The following TRAPPC8 variants were observed in gnomAD, a reference collection of about 807,000 sequenced individuals.
TRAPPC8 encodes the protein general sporulation gene 1 homolog.
In TRAPPC8, 54 loss-of-function variants were observed where a neutral mutation model predicts 174.3. The observed-to-expected ratio is 0.31, with a 90% confidence interval of 0.25 to 0.39. The LOEUF is 0.39. TRAPPC8 is among the 10% of genes least tolerant of loss of function. The pLI is 1.00. For missense variants in TRAPPC8, 1,531 were observed against 1,699.1 expected, an observed-to-expected ratio of 0.90 and a Z score of 1.74; for synonymous variants, 630 against 579.9, an observed-to-expected ratio of 1.09 and a Z score of -1.24.
chr18:31,917,500 T>C (rs1484199764), intron 3 of TRAPPC8, 78 bp downstream of exon 3: 14 of 1,222,488 alleles, frequency 1.1e-5, no homozygotes, highest in Non-Finnish European at 1.6e-5. Context: ...TTCAACAATT[T>C]TGCCTTCATT....
At chr18:31,885,962 C>A (rs976676868) in intron 12 of TRAPPC8, among the ~76,000 whole-genome samples, 4 of 151,534 alleles carry the variant, frequency 2.6e-5, no homozygotes, top group Non-Finnish European at 5.9e-5. Context: ...AATTTCTGAA[C>A]GGCGCTTGCA....
intron 19 of TRAPPC8, among the ~76,000 whole-genome samples, chr18:31,864,273 T>C (rs2034480986): frequency 6.6e-6 from 1 of 151,840 alleles, no homozygotes; most frequent in Non-Finnish European, 1.5e-5. Context: ...CTGCTTTTTA[T>C]TCAGATGCTT....
chr18:31,936,902 TAAAAAAAAAAA>T lies in TRAPPC8; in HGVS notation c.158-5390_158-5380del, dbSNP rs376783471. ...GGGTGACAGAGCAAGACTCCGTCTTTAAAAAAAAAAAAAAAAAAAAAAAAAAGGAGCCAGGC... is the reference window on the plus strand; with the variant it reads ...GGGTGACAGAGCAAGACTCCGTCTTTAAAAAAAAAAAAAAAGGAGCCAGGC... On this transcript the variant is annotated intron_variant, in intron 1 of 28. Transcript: ENST00000283351. Among the ~76,000 whole-genome samples the T allele has an allele frequency of 2.3e-3, 211 of 92,516 alleles. 1 individual carries two copies. Among genetic ancestry groups the T allele is most frequent in the African/African-American group, 7.8e-3 (165 of 21,208 alleles). 60.7% of individuals were successfully genotyped at this position (92,516 alleles called of 152,430 possible).
At chr18:31,886,345 GAAAA>G (rs397858057) in intron 12 of TRAPPC8, among the ~76,000 whole-genome samples, 3 of 23,748 alleles carry the variant, frequency 1.3e-4, no homozygotes, top group Admixed American at 3.4e-4. Flanking sequence ...GTTTCTTGAG[GAAAA>G]AAAAAAAAAA....
intron 26 of TRAPPC8, 25 bp from the exon 27 acceptor site, chr18:31,839,482 T>C (rs1024759409): frequency 3.2e-6 from 5 of 1,557,318 alleles, no homozygotes; most frequent in African/African-American, 2.8e-5. Context: ...AAAAAACATA[T>C]GACAATAAAA....
chr18:31,898,689 A>G (rs2036284641), intron 10 of TRAPPC8, among the ~76,000 whole-genome samples: 1 of 152,236 alleles, frequency 6.6e-6, no homozygotes, highest in Non-Finnish European at 1.5e-5. Flanking sequence ...TCCTGATCCA[A>G]TTTTAGTTTT....
intron 16 of TRAPPC8, 131 bp downstream of exon 16, chr18:31,870,241 T>C: frequency 1.3e-6 from 1 of 798,946 alleles, no homozygotes; most frequent in Non-Finnish European, 1.8e-6. Context: ...GTACATATCA[T>C]AATTTTTATA....
At chr18:31,859,800 G>A (rs749473370) in intron 19 of TRAPPC8, among the ~76,000 whole-genome samples, 5 of 152,218 alleles carry the variant, frequency 3.3e-5, no homozygotes, top group East Asian at 1.9e-4. Context: ...GGCAGATCAC[G>A]AGGTCAGGAG....
rs35234467 is a variant in TRAPPC8 at position 31,932,997 on chromosome 18, C to CAAAAAAAAAAAAAA, written c.158-1488_158-1475dup. 6.3e-4 allele frequency among the ~76,000 whole-genome samples: 27 copies of CAAAAAAAAAAAAAA among 42,686 alleles called. 2 individuals carry two copies. Among genetic ancestry groups the CAAAAAAAAAAAAAA allele is most frequent in the African/African-American group, 4.0e-3 (27 of 6,712 alleles). 28.0% of individuals were successfully genotyped at this position (42,686 alleles called of 152,430 possible). ...TGGGCGACAGAGTGAGACTCCGTCT[C>CAAAAAAAAAAAAAA]AAAAAAAAAAAAAAAAAAAAAAAGC... On this transcript the variant is annotated intron_variant, in intron 1 of 28. Transcript: ENST00000283351.
chr18:31,840,897 CCTGGGGCTA>C, intron 26 of TRAPPC8, among the ~76,000 whole-genome samples: 1 of 151,592 alleles, frequency 6.6e-6, no homozygotes. Context: ...CAAGTAACAC[CCTGGGGCTA>C]CTGGTAAAAA....
At chr18:31,942,050 T>C (rs2144343898) in intron 1 of TRAPPC8, among the ~76,000 whole-genome samples, 1 of 152,338 alleles carries the variant, frequency 6.6e-6, no homozygotes, top group East Asian at 1.9e-4. Context: ...ATAATACTTT[T>C]AATTTTCTTG....
chr18:31,933,398 T>C (rs980245716), intron 1 of TRAPPC8, among the ~76,000 whole-genome samples: 1 of 152,098 alleles, frequency 6.6e-6, no homozygotes, highest in Non-Finnish European at 1.5e-5. Context: ...ACTTATCAAC[T>C]GGGTTACCCT....
rs368537454 is a variant in TRAPPC8 at position 31,942,668 on chromosome 18, G to C, written c.97C>G (p.Arg33Gly). The change falls in exon 1 of 29, where the codon CGT (arginine) becomes GGT (glycine). Residue 33 changes from arginine to glycine, a missense_variant. By Grantham distance (125) the Arg-to-Gly change is moderately radical. Transcript: ENST00000283351. ...TCCGCGAAGCTGAGGTGATTGAGAC[G>C]AGTGAGCCGCTCGGCTTCGTCGCTG... ...LCSDEAERLT[R>G]LNHLSFAELL... The C allele has an allele frequency of 4.3e-6, 7 of 1,611,054 alleles. No homozygotes were observed. Among genetic ancestry groups the C allele is most frequent in the African/African-American group, 4.0e-5 (3 of 74,824 alleles).
rs543257395 is a variant in TRAPPC8, at chr18:31,888,928, A to T, written c.1728+1807T>A. On this transcript the variant is annotated intron_variant, in intron 12 of 28. Coordinates refer to ENST00000283351, the MANE Select transcript of TRAPPC8 (RefSeq NM_014939.5). ...ACACTGGACCTTAAAAGTTTTTTTT[A>T]AATAATAAAAAATTGGTGCTTCTCA... Among the ~76,000 whole-genome samples, 69 of 152,322 alleles carry T rather than the reference A, an allele frequency of 4.5e-4. No homozygotes were observed. In the South Asian group the frequency reaches 0.014, roughly 30 times the overall value.
At chr18:31,851,636 C>T (rs371216649) in intron 24 of TRAPPC8, among the ~76,000 whole-genome samples, 2 of 151,982 alleles carry the variant, frequency 1.3e-5, no homozygotes, top group African/African-American at 4.8e-5. Context: ...AAATTACAGG[C>T]ATGAGCCACC....
intron 1 of TRAPPC8, among the ~76,000 whole-genome samples, chr18:31,936,902 T>TAA (rs376783471): frequency 0.057 from 5,243 of 92,282 alleles, 311 homozygotes; most frequent in Non-Finnish European, 0.066. Context: ...ACTCCGTCTT[T>TAA]AAAAAAAAAA....
chr18:31,937,469 T>C (rs917694354), intron 1 of TRAPPC8: 2 of 150,752 alleles, frequency 1.3e-5, no homozygotes, highest in South Asian at 4.2e-4. Context: ...GTTGAGGCTA[T>C]AGTGAGCCAC....
intron 3 of TRAPPC8, 73 bp from the exon 4 acceptor site, chr18:31,916,519 G>A: frequency 7.2e-7 from 1 of 1,394,958 alleles, no homozygotes; most frequent in Non-Finnish European, 9.5e-7. Flanking sequence ...GAGATAAACA[G>A]GAGGTTTTTG....
At position 31,900,797 on chromosome 18, in the gene TRAPPC8, T is replaced by A. The variant is rs1598704965; in HGVS notation, c.1490+128A>T. 22 of 688,732 alleles carry A rather than the reference T, an allele frequency of 3.2e-5. No homozygotes were observed. The East Asian group carries it at 6.8e-4, about 21-fold the overall frequency. 42.7% of individuals were successfully genotyped at this position (688,732 alleles called of 1,614,324 possible). On this transcript the variant is annotated intron_variant, in intron 10 of 28. Coordinates refer to ENST00000283351, the MANE Select transcript of TRAPPC8 (RefSeq NM_014939.5). ...AAGGTATAATAAAACACTAACTTTTTAAAAATCACCTCAACTTGTCTCCGA... is the reference window on the plus strand; with the variant it reads ...AAGGTATAATAAAACACTAACTTTTAAAAAATCACCTCAACTTGTCTCCGA...
Sources: allele counts gnomAD v4.1 joint callset (sites outside exome capture counted in the v4.1 genomes callset), GRCh38; gene constraint gnomAD v4.1.1; transcripts MANE v1.5; gene names NCBI Gene and HGNC (gene_info 2026-07-23, HGNC 2026-07-21).